Variants in RICTOR observed in about 807,000 individuals in gnomAD.
RICTOR encodes the protein RPTOR independent companion of MTOR complex 2.
A neutral mutation model predicts 214.9 loss-of-function variants in RICTOR; 49 were observed. That is an observed-to-expected ratio of 0.23 (90% confidence interval 0.18 to 0.29). RICTOR has a LOEUF of 0.29. Among genes scored for constraint, RICTOR ranks in the 10% least tolerant of loss-of-function variants. The pLI, the probability that RICTOR is intolerant of heterozygous loss-of-function variation, is 1.00. For synonymous variants in RICTOR, 717 were observed against 711.3 expected, an observed-to-expected ratio of 1.01 and a Z score of -0.13; for missense variants, 1,625 against 2,047.0, an observed-to-expected ratio of 0.79 and a Z score of 3.98.
At chr5:39,036,594 T>C (rs888955143) in intron 2 of RICTOR, among the ~76,000 whole-genome samples, 1 of 151,972 alleles carries the variant, frequency 6.6e-6, no homozygotes. Context: ...GAGACACACA[T>C]AGGCTCAAAA....
chr5:39,037,487 TAG>T (rs1433801433), intron 2 of RICTOR, among the ~76,000 whole-genome samples: 2 of 151,350 alleles, frequency 1.3e-5, no homozygotes, highest in Admixed American at 6.6e-5. Context: ...CTGAAGGAAA[TAG>T]AGACACAAAA....
intron 2 of RICTOR, among the ~76,000 whole-genome samples, chr5:39,024,296 A>T (rs1326858483): frequency 6.6e-6 from 1 of 152,184 alleles, no homozygotes; most frequent in East Asian, 1.9e-4. Context: ...GGTTTAGCGT[A>T]TGTCTTTATA....
chr5:39,037,594 G>A (rs1369373987), intron 2 of RICTOR, among the ~76,000 whole-genome samples: 1 of 152,122 alleles, frequency 6.6e-6, no homozygotes, highest in East Asian at 1.9e-4. Context: ...GAAGAAAAGA[G>A]AGAAGAATCA....
At chr5:38,998,790 G>A (rs1294030479) in intron 5 of RICTOR, among the ~76,000 whole-genome samples, 9 of 151,946 alleles carry the variant, frequency 5.9e-5, no homozygotes, top group Non-Finnish European at 1.2e-4. Flanking sequence ...AGAGGCAGGC[G>A]GATTGCTGGA....
chr5:38,947,496 C>T lies in RICTOR; in HGVS notation c.4137-55G>A, dbSNP rs1034848156. The T allele has an allele frequency of 5.1e-5, 65 of 1,277,322 alleles. No individual in the cohort carries two copies. The African/African-American group carries it at 8.2e-4, about 16-fold the overall frequency. 79.1% of individuals were successfully genotyped at this position (1,277,322 alleles called of 1,614,324 possible). A position where few individuals can be genotyped will look rare whatever the true frequency, so the allele number is the denominator to read the frequency against. ...TAGTTTCTTGATCTGTAATTTTAAT[C>T]ATATGAAGAAATAACATATATTCCT... is the stretch of plus-strand genomic sequence containing the variant. On this transcript the variant is annotated intron_variant, in intron 31 of 37. Coordinates refer to ENST00000357387, the MANE Select transcript of RICTOR (RefSeq NM_152756.5).
chr5:39,013,137 C>A (rs1754671563), intron 3 of RICTOR, among the ~76,000 whole-genome samples: 1 of 152,114 alleles, frequency 6.6e-6, no homozygotes, highest in Admixed American at 6.6e-5. Context: ...CAAAAAATTT[C>A]TTTATATTTT....
At chr5:39,047,713 T>G (rs1757588609) in intron 2 of RICTOR, among the ~76,000 whole-genome samples, 1 of 152,216 alleles carries the variant, frequency 6.6e-6, no homozygotes. Context: ...GAAATGAGTT[T>G]AGGTCACGTC....
chr5:39,023,887 T>G (rs768366077), intron 2 of RICTOR, among the ~76,000 whole-genome samples: 34 of 152,210 alleles, frequency 2.2e-4, no homozygotes, highest in Non-Finnish European at 4.1e-4. Context: ...GATCAATCAT[T>G]GGATTTTCAT....
At chr5:39,055,127 TA>T (rs557673077) in intron 2 of RICTOR, among the ~76,000 whole-genome samples, 270 of 152,314 alleles carry the variant, frequency 1.8e-3, no homozygotes, top group African/African-American at 6.3e-3. Context: ...GTGATTTTTC[TA>T]AATTATCTCA....
rs574183742 is a variant in RICTOR at position 38,978,711 on chromosome 5, T to G, written c.754-61A>C. The G allele has an allele frequency of 2.3e-4, 183 of 804,852 alleles. 3 individuals carry two copies. The South Asian group carries it at 2.9e-3, about 13-fold the overall frequency. 49.9% of individuals were successfully genotyped at this position (804,852 alleles called of 1,614,324 possible). A position where few individuals can be genotyped will look rare whatever the true frequency, so the allele number is the denominator to read the frequency against. On this transcript the variant is annotated intron_variant, in intron 8 of 37. Coordinates refer to ENST00000357387, the MANE Select transcript of RICTOR (RefSeq NM_152756.5). ...TTTTAAAATGCATCCTTCCTGCATTTTATGGAATGTAACATTCCATTTCTC... is the reference window on the plus strand; with the variant it reads ...TTTTAAAATGCATCCTTCCTGCATTGTATGGAATGTAACATTCCATTTCTC...
chr5:38,955,855 C>A (rs2112892138), intron 25 of RICTOR, 151 bp from the exon 26 acceptor site: 6 of 581,644 alleles, frequency 1.0e-5, no homozygotes, highest in Non-Finnish European at 1.8e-5. Flanking sequence ...CAGGTTTCAA[C>A]TAGTACTATA....
chr5:38,994,361 G>A (rs1000302326), intron 6 of RICTOR, among the ~76,000 whole-genome samples: 3 of 138,196 alleles, frequency 2.2e-5, no homozygotes, highest in African/African-American at 5.4e-5. Flanking sequence ...ATAACTTCAG[G>A]TCCCAAGCGT....
intron 7 of RICTOR, among the ~76,000 whole-genome samples, 170 bp downstream of exon 7, chr5:38,990,779 A>ATCATATATATATC (rs1561503116): frequency 1.1e-5 from 1 of 90,134 alleles, no homozygotes; most frequent in South Asian, 4.0e-4. Flanking sequence ...TATGATATAT[A>ATCATATATATATC]TGAGATATAT....
In RICTOR at chr5:38,958,763, A is replaced by G. The variant is rs149642899; in HGVS notation, c.2247T>C (p.Asn749=). ...LLRANVEFFN[N]WGIELLVTQL... is the part of the protein sequence containing the mutation. Reference sequence around the variant, plus strand: ...GGGTCACTAACAACTCAATTCCCCAATTATTAAAGAATTCAACATTAGCTC... The same window carrying G: ...GGGTCACTAACAACTCAATTCCCCAGTTATTAAAGAATTCAACATTAGCTC... The change falls in exon 23 of 38, where the codon AAT becomes AAC. Residue 749 remains asparagine (N), a synonymous_variant. Transcript: ENST00000357387. The G allele has an allele frequency of 5.6e-3, 9,086 of 1,610,910 alleles. 48 individuals are homozygous for G. Among genetic ancestry groups the G allele is most frequent in the Non-Finnish European group, 6.8e-3 (8,061 of 1,177,848 alleles).
rs778406584 is a variant in RICTOR, at chr5:38,947,457, G to T, written c.4137-16C>A. ...TTTCATGAACCTATAAAACCATAAAGAAACCACTTGCATTAGTTTCTTGAT... is the reference window on the plus strand; with the variant it reads ...TTTCATGAACCTATAAAACCATAAATAAACCACTTGCATTAGTTTCTTGAT... On this transcript the variant is annotated splice_polypyrimidine_tract_variant and intron_variant, in intron 31 of 37. Transcript: ENST00000357387. The T allele has an allele frequency of 3.5e-5, 55 of 1,562,366 alleles. No individual in the cohort carries two copies. The highest frequency in any genetic ancestry group is 2.8e-4 in the Admixed American group (16 of 57,348).
intron 2 of RICTOR, among the ~76,000 whole-genome samples, chr5:39,023,685 G>C (rs1755601871): frequency 1.3e-5 from 2 of 152,144 alleles, no homozygotes; most frequent in South Asian, 2.1e-4. Context: ...CCAATGCAAG[G>C]AACTGTTTTG....
intron 3 of RICTOR, among the ~76,000 whole-genome samples, chr5:39,012,657 GACT>G (rs1754626944): frequency 6.6e-6 from 1 of 152,064 alleles, no homozygotes; most frequent in African/African-American, 2.4e-5. Flanking sequence ...ATGTAATTCT[GACT>G]ACCCTATTAT....
At chr5:38,968,685 C>A (rs1750441031) in intron 11 of RICTOR, among the ~76,000 whole-genome samples, 1 of 150,612 alleles carries the variant, frequency 6.6e-6, no homozygotes, top group South Asian at 2.1e-4. Context: ...ATGCAGTGAG[C>A]TATGATCATT....
chr5:39,011,859 C>A (rs967756781), intron 3 of RICTOR, among the ~76,000 whole-genome samples: 1 of 152,148 alleles, frequency 6.6e-6, no homozygotes, highest in Non-Finnish European at 1.5e-5. Flanking sequence ...TTTACAGGCT[C>A]ATAGGCGGAA....
Sources: allele counts gnomAD v4.1 joint callset (sites outside exome capture counted in the v4.1 genomes callset), GRCh38; gene constraint gnomAD v4.1.1; transcripts MANE v1.5; gene names NCBI Gene and HGNC (gene_info 2026-07-23, HGNC 2026-07-21).